Variants in GRM7 observed in about 807,000 individuals in gnomAD.
GRM7 encodes glutamate metabotropic receptor 7.
Under a neutral mutation model 84.5 loss-of-function variants are expected in GRM7, and 35 were observed. That is an observed-to-expected ratio of 0.41 (90% CI 0.32 to 0.55). GRM7 has a LOEUF of 0.55. Among genes scored for constraint, GRM7 ranks in the 20% least tolerant of loss-of-function variants. GRM7 has a pLI of 0.19. For missense variants in GRM7, 1,003 were observed against 1,194.6 expected (o/e 0.84, Z 2.36); for synonymous variants, 487 against 455.1 (o/e 1.07, Z -0.89).
chr3:7,158,606 T>C (rs1274464610), intron 2 of GRM7, among the ~76,000 whole-genome samples: 2 of 152,184 alleles, frequency 1.3e-5, no homozygotes, highest in African/African-American at 4.8e-5. Context: ...TAGCTACAGA[T>C]ATTAAAAATA....
intron 7 of GRM7, among the ~76,000 whole-genome samples, chr3:7,545,797 G>A (rs1693120392): frequency 6.6e-6 from 1 of 152,070 alleles, no homozygotes; most frequent in Non-Finnish European, 1.5e-5. Flanking sequence ...TGCTCACTTT[G>A]TAATAATTCA....
At chr3:6,934,865 A>G (rs1697633186) in intron 1 of GRM7, among the ~76,000 whole-genome samples, 1 of 152,188 alleles carries the variant, frequency 6.6e-6, no homozygotes, top group Non-Finnish European at 1.5e-5. Flanking sequence ...CTGAGAAAAA[A>G]AAGAATATTG....
At chr3:7,601,089 C>CTCAAAATATCA (rs1696291575) in intron 8 of GRM7, among the ~76,000 whole-genome samples, 1 of 152,094 alleles carries the variant, frequency 6.6e-6, no homozygotes. Context: ...TTGTGGCTAT[C>CTCAAAATATCA]TCAAAATATC....
chr3:7,425,648 A>G (rs1696576448), intron 5 of GRM7, among the ~76,000 whole-genome samples: 1 of 152,234 alleles, frequency 6.6e-6, no homozygotes, highest in South Asian at 2.1e-4. Flanking sequence ...GCAATTTACT[A>G]TGGAAGGAAA....
At chr3:7,480,776 G>A (rs17047426) in intron 7 of GRM7, among the ~76,000 whole-genome samples, 10,494 of 152,232 alleles carry the variant, frequency 0.069, 1,190 homozygotes, top group African/African-American at 0.23. Context: ...ACGTGTTGAA[G>A]TGGAAGTTAC....
chr3:7,637,299 A>T (rs1042452499), intron 8 of GRM7, among the ~76,000 whole-genome samples: 1 of 152,210 alleles, frequency 6.6e-6, no homozygotes, highest in Non-Finnish European at 1.5e-5. Flanking sequence ...ATGAGCCACC[A>T]TGCTCACTTT....
At chr3:7,732,589 T>C (rs934316023) in intron 9 of GRM7, among the ~76,000 whole-genome samples, 11 of 152,138 alleles carry the variant, frequency 7.2e-5, no homozygotes, top group African/African-American at 2.4e-4. Context: ...GTGAGGATCC[T>C]CTTCAAAACT....
intron 4 of GRM7, among the ~76,000 whole-genome samples, chr3:7,323,704 G>A (rs1049762103): frequency 1.3e-5 from 2 of 152,088 alleles, no homozygotes; most frequent in African/African-American, 4.8e-5. Context: ...AACGTGTCAT[G>A]GTTTTGTTAA....
chr3:7,041,282 AT>A (rs112532111), intron 1 of GRM7, among the ~76,000 whole-genome samples: 4,900 of 152,150 alleles, frequency 0.032, 275 homozygotes, highest in African/African-American at 0.11. Flanking sequence ...TCTCCCTCTA[AT>A]TCTCCTGACT....
At chr3:7,170,231 T>C (rs376785870) in intron 2 of GRM7, among the ~76,000 whole-genome samples, 34 of 152,102 alleles carry the variant, frequency 2.2e-4, no homozygotes, top group East Asian at 1.3e-3. Flanking sequence ...TCTTAGCCAT[T>C]TAAGTAGAAT....
At chr3:6,991,417 C>T (rs905138287) in intron 1 of GRM7, among the ~76,000 whole-genome samples, 6 of 152,010 alleles carry the variant, frequency 3.9e-5, no homozygotes, top group African/African-American at 1.2e-4. Flanking sequence ...AAAATGTGAA[C>T]GTTGCAAGAA....
chr3:7,656,088 G>A (rs1699165266), intron 8 of GRM7, among the ~76,000 whole-genome samples: 1 of 152,170 alleles, frequency 6.6e-6, no homozygotes, highest in African/African-American at 2.4e-5. Context: ...AACTTGAAGA[G>A]AGATCTTTTG....
chr3:7,623,662 G>A lies in GRM7; in HGVS notation c.2451+44305G>A, dbSNP rs112331483. On this transcript the variant is annotated intron_variant, in intron 8 of 9. Transcript: ENST00000357716. Reference sequence around the variant, plus strand: ...GTCTTGAAGCATCTCCTACAACCAGGACATCCATGGGAGGGGACACCAAGC... The same window carrying A: ...GTCTTGAAGCATCTCCTACAACCAGAACATCCATGGGAGGGGACACCAAGC... 3.5e-4 allele frequency among the ~76,000 whole-genome samples: 54 copies of A among 152,228 alleles called. 1 individual carries two copies. The highest frequency in any genetic ancestry group is 1.3e-3 in the African/African-American group (53 of 41,550).
At chr3:7,678,014 T>C (rs940506162) in intron 8 of GRM7, among the ~76,000 whole-genome samples, 16 of 152,184 alleles carry the variant, frequency 1.1e-4, no homozygotes, top group Admixed American at 9.8e-4. Flanking sequence ...TTCTTACTTA[T>C]AAGGTGCAGC....
chr3:7,449,644 AT>A (rs60125417), intron 5 of GRM7, among the ~76,000 whole-genome samples: 152,231 of 152,232 alleles, frequency 1, 76,115 homozygotes, highest in Non-Finnish European at 1. Context: ...AGATTTTAAA[AT>A]ATCCAGAAAT....
intron 9 of GRM7, among the ~76,000 whole-genome samples, chr3:7,714,054 T>G (rs937142994): frequency 2.0e-5 from 3 of 152,150 alleles, no homozygotes; most frequent in Non-Finnish European, 4.4e-5. Flanking sequence ...TTTCTGTTTT[T>G]GTTTTTGAGT....
chr3:6,870,138 A>G (rs1056963021), intron 1 of GRM7, among the ~76,000 whole-genome samples: 9 of 151,974 alleles, frequency 5.9e-5, no homozygotes, highest in Non-Finnish European at 1.3e-4. Context: ...AATACATCCT[A>G]TGGATGTTAC....
rs76870313 is a variant in GRM7, at chr3:7,618,114, A to G, written c.2451+38757A>G. ...TCAGAGGCAGGCAAACAAGTGCGTA[A>G]TAACTGTTGGCTGATATAATTATTA... On this transcript the variant is annotated intron_variant, in intron 8 of 9. Coordinates refer to ENST00000357716, the MANE Select transcript of GRM7 (RefSeq NM_000844.4). Among the ~76,000 whole-genome samples the G allele has an allele frequency of 5.2e-3, 797 of 152,242 alleles. 12 individuals are homozygous for G. Among genetic ancestry groups the G allele is most frequent in the African/African-American group, 0.018 (764 of 41,564 alleles).
chr3:7,033,077 C>G (rs1696245896), intron 1 of GRM7, among the ~76,000 whole-genome samples: 1 of 152,134 alleles, frequency 6.6e-6, no homozygotes, highest in East Asian at 1.9e-4. Flanking sequence ...TCATACCTCT[C>G]CTTGGCTTCT....
Sources: allele counts gnomAD v4.1 joint callset (sites outside exome capture counted in the v4.1 genomes callset), GRCh38; gene constraint gnomAD v4.1.1; transcripts MANE v1.5; gene names NCBI Gene and HGNC (gene_info 2026-07-23, HGNC 2026-07-21).